USP24: variants seen among roughly 807,000 people sequenced by gnomAD.
USP24 encodes ubiquitin specific peptidase 24, also known as ubiquitin carboxyl-terminal hydrolase 24.
USP24 carries 97 observed loss-of-function variants against 361.6 expected under a neutral mutation model. That is an observed-to-expected ratio of 0.27 (90% confidence interval 0.23 to 0.32). The LOEUF (loss-of-function observed/expected upper bound fraction) is 0.32. USP24 is among the 10% of genes least tolerant of loss of function. The pLI, the probability that USP24 is intolerant of heterozygous loss-of-function variation, is 1.00. For missense variants in USP24, 2,353 were observed against 3,165.6 expected, an observed-to-expected ratio of 0.74 and a Z score of 6.16; for synonymous variants, 1,098 against 1,124.6, an observed-to-expected ratio of 0.98 and a Z score of 0.47.
chr1:55,066,924 T>C lies in USP24; in HGVS notation c.*2121A>G, dbSNP rs139959983. The C allele has an allele frequency of 3.3e-4, 50 of 152,226 alleles. 1 individual carries two copies. Among genetic ancestry groups the C allele is most frequent in the African/African-American group, 1.1e-3 (47 of 41,536 alleles). The allele number at this position is 152,226 out of a possible 1,614,324, so 9.4% of individuals were successfully genotyped here. On this transcript the variant is annotated 3_prime_UTR_variant, in exon 68 of 68. Transcript: ENST00000294383. ...CATAACTGTCACTGTTGTACTACAT[T>C]AAAAAAAGTCATCAGCAGGTTCATT...
At chr1:55,132,480 A>G in intron 31 of USP24, 65 bp downstream of exon 31, 1 of 1,500,834 alleles carries the variant, frequency 6.7e-7, no homozygotes, top group Non-Finnish European at 9.0e-7. Flanking sequence ...TGACATCTGA[A>G]AGCATGAATC....
intron 38 of USP24, among the ~76,000 whole-genome samples, chr1:55,114,021 C>A (rs1236371670): frequency 6.6e-6 from 1 of 152,204 alleles, no homozygotes; most frequent in Non-Finnish European, 1.5e-5. Flanking sequence ...CCCATCTTCT[C>A]TCAGGCCAAA....
chr1:55,156,887 T>C (rs1455477835), intron 12 of USP24, 61 bp downstream of exon 12: 1 of 1,241,030 alleles, frequency 8.1e-7, no homozygotes, highest in Non-Finnish European at 1.2e-6. Flanking sequence ...TCATCACCCT[T>C]TTCGCTCTCC....
In USP24 at chr1:55,137,881, C is replaced by T. The variant is rs1012540705; in HGVS notation, c.2952G>A (p.Gly984=). ...GCTTGGCTATTTTCCACCGGACACTCCCTATGGTTTCATTACTGTGAGCCT... is the reference window on the plus strand; with the variant it reads ...GCTTGGCTATTTTCCACCGGACACTTCCTATGGTTTCATTACTGTGAGCCT... ...TVEAHSNETI[G]SVRWKIAKQL... Residue 984 remains glycine (G), a synonymous_variant, in exon 27 of 68, where the codon GGG becomes GGA. Coordinates refer to ENST00000294383, the MANE Select transcript of USP24 (RefSeq NM_015306.3). 51 of 1,592,674 alleles carry T rather than the reference C, an allele frequency of 3.2e-5. No homozygotes were observed. The highest frequency in any genetic ancestry group is 3.6e-5 in the Non-Finnish European group (42 of 1,168,430).
chr1:55,165,454 G>T (rs551646433), intron 7 of USP24, among the ~76,000 whole-genome samples: 3 of 152,044 alleles, frequency 2.0e-5, no homozygotes, highest in Non-Finnish European at 4.4e-5. Flanking sequence ...TTGTTATCTA[G>T]AAGTTTTTGT....
chr1:55,069,796 C>G (rs1477471427), intron 67 of USP24, among the ~76,000 whole-genome samples: 1 of 146,180 alleles, frequency 6.8e-6, no homozygotes, highest in Non-Finnish European at 1.5e-5. Context: ...TCGCTGGAAC[C>G]TGGGAGAAGG....
rs539230261 is a variant in USP24 at position 55,067,336 on chromosome 1, G to A, written c.*1709C>T. ...ATTCACGTACTCAAAACCAATGGTAGAACATCACATTTCAAACTGCAAGAC... is the reference window on the plus strand; with the variant it reads ...ATTCACGTACTCAAAACCAATGGTAAAACATCACATTTCAAACTGCAAGAC... On this transcript the variant is annotated 3_prime_UTR_variant, in exon 68 of 68. Transcript: ENST00000294383. 1 of 152,338 alleles carries A rather than the reference G, an allele frequency of 6.6e-6. No homozygotes were observed. The highest frequency in any genetic ancestry group is 2.4e-5 in the African/African-American group (1 of 41,560). The allele number at this position is 152,338 out of a possible 1,614,324, so 9.4% of individuals were successfully genotyped here. A position where few individuals can be genotyped will look rare whatever the true frequency, so the allele number is the denominator to read the frequency against.
At position 55,158,981 on chromosome 1, in the gene USP24, A is replaced by G. The variant is rs1223032269; in HGVS notation, c.1124T>C (p.Phe375Ser). 3 of 1,593,568 alleles carry G rather than the reference A, an allele frequency of 1.9e-6. No individual in the cohort carries two copies. Among genetic ancestry groups the G allele is most frequent in the African/African-American group, 1.3e-5 (1 of 74,688 alleles). Residue 375 changes from phenylalanine (F) to serine (S), a missense_variant, in exon 10 of 68, where the codon TTC becomes TCC. This residue lies in a region of USP24 where 386 missense variants were observed against 560.5 expected (regional missense o/e 0.69). Transcript: ENST00000294383. ...CACAATTGTCACCAGATCCGGTTGG[A>G]AGCGCATGCAAAGTAACTTAACGGC... The part of the protein sequence containing the change: ...LSAVKLLCMR[F>S]QPDLVTIVDD...
chr1:55,077,362 A>G, intron 61 of USP24, 62 bp from the exon 62 acceptor site: 4 of 1,446,446 alleles, frequency 2.8e-6, no homozygotes, highest in Non-Finnish European at 3.8e-6. Flanking sequence ...GGCAATTAAC[A>G]ATGCTGGATC....
intron 10 of USP24, 61 bp downstream of exon 10, chr1:55,158,817 A>G: frequency 7.8e-7 from 1 of 1,281,048 alleles, no homozygotes; most frequent in Non-Finnish European, 1.0e-6. Context: ...TAATAAGCAT[A>G]CATCTTGGCA....
chr1:55,100,028 C>T (rs566385817), intron 44 of USP24, among the ~76,000 whole-genome samples, 159 bp from the exon 45 acceptor site: 1 of 152,292 alleles, frequency 6.6e-6, no homozygotes, highest in African/African-American at 2.4e-5. Context: ...ATTCAGCCAT[C>T]CACCCTTTTT....
At chr1:55,151,980 C>T in intron 16 of USP24, 1 of 985,672 alleles carries the variant, frequency 1.0e-6, no homozygotes, top group Non-Finnish European at 1.2e-6. Flanking sequence ...TGCTGCCTGG[C>T]AGGAAAGGGC....
At chr1:55,126,042 C>A (rs1557600125) in intron 32 of USP24, among the ~76,000 whole-genome samples, 1 of 152,228 alleles carries the variant, frequency 6.6e-6, no homozygotes, top group African/African-American at 2.4e-5. Context: ...TGGCACTCCT[C>A]TGCACAAAAT....
At chr1:55,180,596 A>G (rs1034666810) in intron 1 of USP24, among the ~76,000 whole-genome samples, 14 of 152,136 alleles carry the variant, frequency 9.2e-5, no homozygotes, top group Non-Finnish European at 1.3e-4. Context: ...GGCACAATCA[A>G]TGGTTGCTTT....
intron 30 of USP24, among the ~76,000 whole-genome samples, chr1:55,133,762 G>A (rs1646659775): frequency 6.6e-6 from 1 of 151,200 alleles, no homozygotes; most frequent in South Asian, 2.1e-4. Context: ...TCAGCCTCCT[G>A]AGTAGCTGGG....
chr1:55,107,736 G>A (rs547905483), intron 39 of USP24, among the ~76,000 whole-genome samples: 155 of 150,986 alleles, frequency 1.0e-3, no homozygotes, highest in Non-Finnish European at 2.0e-3. Context: ...TAGCTACTCG[G>A]GAGGCTGAGG....
intron 43 of USP24, among the ~76,000 whole-genome samples, 172 bp from the exon 44 acceptor site, chr1:55,101,136 T>C (rs1445232050): frequency 1.3e-5 from 2 of 152,192 alleles, no homozygotes; most frequent in Non-Finnish European, 2.9e-5. Flanking sequence ...GGTGTAATTA[T>C]GAAAAAATCA....
intron 3 of USP24, among the ~76,000 whole-genome samples, chr1:55,173,180 T>C (rs1649622810): frequency 6.6e-6 from 1 of 152,126 alleles, no homozygotes; most frequent in Non-Finnish European, 1.5e-5. Context: ...GGACTCAGAA[T>C]GTGAAAAAAA....
At chr1:55,105,984 T>C (rs1026245230) in intron 41 of USP24, among the ~76,000 whole-genome samples, 162 bp downstream of exon 41, 3 of 152,252 alleles carry the variant, frequency 2.0e-5, no homozygotes, top group African/African-American at 7.2e-5. Flanking sequence ...CCAGGCAGGC[T>C]TTATGCTAAG....
Sources: gnomAD v4.1 joint callset for allele counts (sites outside exome capture counted in the v4.1 genomes callset) on GRCh38, gnomAD v4.1.1 for gene constraint, gnomAD v4.1.1 regional missense constraint, MANE v1.5 for transcripts, NCBI Gene and HGNC (gene_info 2026-07-23, HGNC 2026-07-21) for gene names.